The following PDE1C variants were observed in gnomAD, a reference collection of about 807,000 sequenced individuals.
PDE1C encodes the protein dual specificity calcium/calmodulin-dependent 3',5'-cyclic nucleotide phosphodiesterase 1C.
Under a neutral mutation model 93.1 loss-of-function variants are expected in PDE1C, and 62 were observed. The ratio of observed to expected loss-of-function variants is 0.67; its 90% CI spans 0.54 to 0.82. The LOEUF is 0.82. Among genes scored for constraint, PDE1C ranks in the 40% least tolerant of loss-of-function variants. The pLI, the probability that PDE1C is intolerant of heterozygous loss-of-function variation, is 0.00. For synonymous variants in PDE1C, 325 were observed against 310.1 expected (o/e 1.05, Z -0.50); for missense variants, 742 against 884.6 (o/e 0.84, Z 2.04).
chr7:31,695,615 A>G, the PDE1C span: 8 of 1,611,826 alleles, frequency 5.0e-6, no homozygotes, highest in Non-Finnish European at 6.8e-6. Context: ...CCCACCTTTC[A>G]TACCAGGTAA....
intron 2 of PDE1C, among the ~76,000 whole-genome samples, chr7:32,186,551 T>C (rs971408580): frequency 6.6e-6 from 1 of 152,188 alleles, no homozygotes; most frequent in African/African-American, 2.4e-5. Context: ...GTAGTTGTTT[T>C]TAGTGGTGGT....
chr7:32,060,368 C>T (rs1218358940), intron 1 of PDE1C, among the ~76,000 whole-genome samples: 2 of 152,184 alleles, frequency 1.3e-5, no homozygotes, highest in African/African-American at 4.8e-5. Context: ...AGCTGCTGGT[C>T]ATTTACAATT....
chr7:31,725,811 C>A, the PDE1C span, among the ~76,000 whole-genome samples: 1 of 152,130 alleles, frequency 6.6e-6, no homozygotes, highest in African/African-American at 2.4e-5. Flanking sequence ...GGGAGATAAT[C>A]AAGTTTAATG....
intron 2 of PDE1C, among the ~76,000 whole-genome samples, chr7:31,953,738 G>A (rs1479368128): frequency 3.9e-5 from 6 of 151,950 alleles, no homozygotes; most frequent in Non-Finnish European, 7.4e-5. Flanking sequence ...TCTGTTTTGA[G>A]ATCCACATTA....
intron 3 of PDE1C, among the ~76,000 whole-genome samples, chr7:32,120,081 C>T (rs546513423): frequency 1.3e-5 from 2 of 152,340 alleles, no homozygotes; most frequent in Middle Eastern, 6.8e-3. Flanking sequence ...AGCTTCATCC[C>T]TAGAGGTGCC....
chr7:32,240,148 G>A (rs972141367), intron 1 of PDE1C, among the ~76,000 whole-genome samples: 4 of 152,200 alleles, frequency 2.6e-5, no homozygotes, highest in Admixed American at 2.6e-4. Flanking sequence ...CCCATTCTGA[G>A]AGTTACCTTT....
chr7:31,627,599 G>A, the PDE1C span, among the ~76,000 whole-genome samples: 12 of 134,562 alleles, frequency 8.9e-5, no homozygotes, highest in Admixed American at 4.5e-4. Context: ...TCATGGCTAC[G>A]CAGTAAGCTG....
intron 17 of PDE1C, among the ~76,000 whole-genome samples, chr7:31,760,913 T>C (rs775099445): frequency 7.2e-5 from 11 of 152,186 alleles, no homozygotes; most frequent in Non-Finnish European, 1.3e-4. Context: ...AGTATCTGTT[T>C]GTGGTAGAAA....
chr7:32,331,565 G>T (rs1783515356), intron 1 of PDE1C, among the ~76,000 whole-genome samples: 1 of 152,170 alleles, frequency 6.6e-6, no homozygotes, highest in Admixed American at 6.5e-5. Flanking sequence ...AGTCTGGGTT[G>T]GAGGGGCAAG....
At chr7:32,007,521 T>C (rs1172174874) in intron 2 of PDE1C, among the ~76,000 whole-genome samples, 1 of 152,238 alleles carries the variant, frequency 6.6e-6, no homozygotes, top group African/African-American at 2.4e-5. Flanking sequence ...TAAAATATCA[T>C]GGAGGCTTAT....
intron 2 of PDE1C, among the ~76,000 whole-genome samples, chr7:31,970,899 T>G (rs1810861424): frequency 6.6e-6 from 1 of 152,136 alleles, no homozygotes; most frequent in Non-Finnish European, 1.5e-5. Context: ...TCCCAGCACT[T>G]TGGGAAGCTG....
At chr7:31,723,053 A>T in the PDE1C span, among the ~76,000 whole-genome samples, 3 of 152,094 alleles carry the variant, frequency 2.0e-5, no homozygotes, top group Non-Finnish European at 4.4e-5. Context: ...CCTTCAACTC[A>T]TCTGTGGAAT....
the PDE1C span, among the ~76,000 whole-genome samples, chr7:31,649,373 G>A: frequency 6.6e-6 from 1 of 152,134 alleles, no homozygotes; most frequent in Non-Finnish European, 1.5e-5. Context: ...CATGGAAGGA[G>A]GAAGAAGAGA....
At chr7:32,166,447 C>T (rs1802279374) in intron 3 of PDE1C, among the ~76,000 whole-genome samples, 1 of 152,116 alleles carries the variant, frequency 6.6e-6, no homozygotes, top group African/African-American at 2.4e-5. Context: ...AGACCTCAAG[C>T]CCTGGAAGCA....
At chr7:31,884,969 G>A (rs1346465188) in intron 2 of PDE1C, among the ~76,000 whole-genome samples, 4 of 152,144 alleles carry the variant, frequency 2.6e-5, no homozygotes, top group Non-Finnish European at 4.4e-5. Flanking sequence ...TGAGGCCAGA[G>A]GGCTCAACTG....
At chr7:32,239,516 C>G (rs933379358) in intron 1 of PDE1C, among the ~76,000 whole-genome samples, 1 of 152,092 alleles carries the variant, frequency 6.6e-6, no homozygotes, top group Non-Finnish European at 1.5e-5. Context: ...TACAAAGCAA[C>G]AAATAATGTA....
chr7:32,299,055 G>C, exon 1 of PDE1C: 2 of 1,131,584 alleles, frequency 1.8e-6, no homozygotes, highest in Non-Finnish European at 2.2e-6. Flanking sequence ...GGGCTGACCG[G>C]TGGGCGCGGA....
At chr7:31,651,077 C>T in the PDE1C span, 1 of 1,555,734 alleles carries the variant, frequency 6.4e-7, no homozygotes, top group Non-Finnish European at 8.7e-7. Context: ...ACAGGCTCCA[C>T]CATGGTGAGC....
At chr7:32,310,923 A>G (rs1413114684) in intron 1 of PDE1C, among the ~76,000 whole-genome samples, 1 of 152,242 alleles carries the variant, frequency 6.6e-6, no homozygotes, top group Non-Finnish European at 1.5e-5. Context: ...TGAAGGAAAT[A>G]GAGACACAAA....
Sources: gnomAD v4.1 joint callset for allele counts (sites outside exome capture counted in the v4.1 genomes callset) on GRCh38, gnomAD v4.1.1 for gene constraint, MANE v1.5 for transcripts, NCBI Gene and HGNC (gene_info 2026-07-23, HGNC 2026-07-21) for gene names.